Variants in SNTA1 observed in about 807,000 individuals in gnomAD.
SNTA1 encodes the protein syntrophin alpha 1.
A neutral mutation model predicts 47.1 loss-of-function variants in SNTA1; 31 were observed. The observed-to-expected ratio is 0.66, with a 90% CI of 0.49 to 0.89. SNTA1 has a LOEUF of 0.89. Ranked by LOEUF, SNTA1 falls within the 40% of genes least tolerant of loss-of-function variation. The probability of loss-of-function intolerance (pLI) is 0.00; values close to 1 mark genes in which losing one functional copy is unlikely to be tolerated. For synonymous variants in SNTA1, 300 were observed against 313.6 expected (o/e 0.96, Z 0.46); for missense variants, 575 against 693.0 (o/e 0.83, Z 1.91).
chr20:33,423,217 C>G (rs1990077939), intron 2 of SNTA1, among the ~76,000 whole-genome samples: 1 of 152,214 alleles, frequency 6.6e-6, no homozygotes, highest in Admixed American at 6.5e-5. Flanking sequence ...AGCATACCAG[C>G]TGATGCCAGA....
intron 2 of SNTA1, 66 bp downstream of exon 2, chr20:33,438,775 G>A: frequency 1.5e-6 from 2 of 1,348,798 alleles, no homozygotes; most frequent in Non-Finnish European, 2.1e-6. Context: ...TGAGGCCTGG[G>A]GGAGGTAGAG....
At chr20:33,419,049 G>A (rs532790826) in intron 2 of SNTA1, among the ~76,000 whole-genome samples, 2 of 152,042 alleles carry the variant, frequency 1.3e-5, no homozygotes, top group African/African-American at 2.4e-5. Context: ...GGGAAGCAAA[G>A]GTTGCAATGA....
intron 2 of SNTA1, among the ~76,000 whole-genome samples, chr20:33,432,615 C>A (rs1160924836): frequency 6.6e-6 from 1 of 152,182 alleles, no homozygotes; most frequent in Non-Finnish European, 1.5e-5. Flanking sequence ...GTGGCTCATG[C>A]CTGTAACCCC....
Position 33,417,802 on chromosome 20 carries a change from G to A in SNTA1, c.618C>T (p.Pro206=). 1 of 1,614,106 alleles carries A rather than the reference G, an allele frequency of 6.2e-7. No homozygotes were observed. Among genetic ancestry groups the A allele is most frequent in the East Asian group, 2.2e-5 (1 of 44,874 alleles). ...QRQPSSPGPT[P]RNFSEAKHMS... ...TGTGTTTGGCCTCGCTGAAGTTCCG[G>A]GGTGTGGGGCCAGGGGAGGAAGGCT... The change falls in exon 3 of 8, where the codon CCC becomes CCT. Residue 206 remains proline, a synonymous_variant. Coordinates refer to ENST00000217381, the MANE Select transcript of SNTA1 (RefSeq NM_003098.3).
At position 33,408,145 on chromosome 20, in the gene SNTA1, G is replaced by C. The variant is rs549192965; in HGVS notation, c.*362C>G. ...TACTCCAGCTTCAGATGGGACCTCTGGGGGTGGCTTAGGGGCCTCGAGGAG... is the reference window on the plus strand; with the variant it reads ...TACTCCAGCTTCAGATGGGACCTCTCGGGGTGGCTTAGGGGCCTCGAGGAG... On this transcript the variant is annotated 3_prime_UTR_variant, in exon 8 of 8. Coordinates refer to ENST00000217381, the MANE Select transcript of SNTA1 (RefSeq NM_003098.3). 183 of 336,640 alleles carry C rather than the reference G, an allele frequency of 5.4e-4. No homozygotes were observed. The highest frequency in any genetic ancestry group is 3.7e-3 in the African/African-American group (177 of 47,548). 20.9% of individuals were successfully genotyped at this position (336,640 alleles called of 1,614,324 possible). A position where few individuals can be genotyped will look rare whatever the true frequency, so the allele number is the denominator to read the frequency against.
rs773064278 is a variant in SNTA1, at chr20:33,408,634, G to A, written c.1426-35C>T. 1.4e-5 allele frequency: 23 copies of A among 1,610,176 alleles called. No individual in the cohort carries two copies. In the Admixed American group the frequency reaches 2.3e-4, roughly 16 times the overall value. On this transcript the variant is annotated intron_variant, in intron 7 of 7. Transcript: ENST00000217381. The stretch of plus-strand genomic sequence containing the variant: ...GGATGGAGAGAAGAGTCAGGGCCCT[G>A]GCCAGCCTGGCCTCCGAGAGTGCAC...
rs1347873184 is a variant in SNTA1, at chr20:33,412,281, C to T, written c.1040+15G>A. On this transcript the variant is annotated intron_variant, in intron 5 of 7. Transcript: ENST00000217381. ...CAAGTTCTGGGGGAGACATACTGCC[C>T]CTGCCTGTGGGTACCTGGTGGCGAT... 1 of 1,608,076 alleles carries T rather than the reference C, an allele frequency of 6.2e-7. No individual in the cohort carries two copies. The highest frequency in any genetic ancestry group is 8.5e-7 in the Non-Finnish European group (1 of 1,178,678).
intron 1 of SNTA1, among the ~76,000 whole-genome samples, chr20:33,442,698 C>T (rs562682916): frequency 3.6e-4 from 55 of 152,258 alleles, no homozygotes; most frequent in African/African-American, 1.3e-3. Flanking sequence ...GCGGTCAGTC[C>T]TGGGGGCTGA....
intron 1 of SNTA1, among the ~76,000 whole-genome samples, chr20:33,440,052 G>A (rs1219571465): frequency 1.3e-5 from 2 of 151,648 alleles, no homozygotes; most frequent in Non-Finnish European, 1.5e-5. Flanking sequence ...TTGGACCCAG[G>A]AGGCGGAGGT....
chr20:33,410,049 G>A, intron 6 of SNTA1, 86 bp downstream of exon 6: 1 of 1,403,588 alleles, frequency 7.1e-7, no homozygotes. Flanking sequence ...ATCCCCTCCT[G>A]AAGTGCCCTA....
At chr20:33,431,154 G>C (rs1173560146) in intron 2 of SNTA1, among the ~76,000 whole-genome samples, 1 of 152,078 alleles carries the variant, frequency 6.6e-6, no homozygotes, top group Non-Finnish European at 1.5e-5. Flanking sequence ...CCAGCTACTG[G>C]AGAGGCTGTG....
Position 33,443,527 on chromosome 20 carries a change from G to T in SNTA1, c.94C>A (p.Leu32Met), listed in dbSNP as rs974292570. The change falls in exon 1 of 8, where the codon CTG becomes ATG. Residue 32 changes from leucine to methionine, a missense_variant. Transcript: ENST00000217381. ...GAGGERWQRV[L>M]LSLAEDVLTV... ...AGCACGTCCTCCGCCAGACTCAGCA[G>T]CACCCGCTGCCATCGCTCGCCGCCG... is the stretch of plus-strand genomic sequence containing the variant. 11 of 1,351,746 alleles carry T rather than the reference G, an allele frequency of 8.1e-6. No homozygotes were observed. The African/African-American group carries it at 1.4e-4, about 17-fold the overall frequency. 83.7% of individuals were successfully genotyped at this position (1,351,746 alleles called of 1,614,324 possible).
chr20:33,424,839 G>A (rs535534725), intron 2 of SNTA1, among the ~76,000 whole-genome samples: 5 of 150,652 alleles, frequency 3.3e-5, no homozygotes, highest in East Asian at 2.0e-4. Context: ...AAACTAGGCC[G>A]GGCACAGTGG....
intron 2 of SNTA1, among the ~76,000 whole-genome samples, chr20:33,422,413 T>C (rs1176724146): frequency 2.7e-5 from 4 of 146,686 alleles, no homozygotes; most frequent in Non-Finnish European, 5.9e-5. Flanking sequence ...CACTCCAGCC[T>C]GGGCGACAGA....
intron 3 of SNTA1, among the ~76,000 whole-genome samples, chr20:33,413,550 G>C (rs932108602): frequency 1.3e-5 from 2 of 151,322 alleles, no homozygotes; most frequent in African/African-American, 4.9e-5. Flanking sequence ...GGTTTCTAAG[G>C]AACATCCTCT....
At position 33,412,399 on chromosome 20, in the gene SNTA1, G is replaced by T; in HGVS notation, c.937C>A (p.Leu313Met). The T allele has an allele frequency of 6.2e-7, 1 of 1,611,060 alleles. No homozygotes were observed. The change falls in exon 5 of 8, where the codon CTG becomes ATG. Residue 313 changes from leucine (L) to methionine (M), a missense_variant. Transcript: ENST00000217381. ...AGTTCCTTTTCAGTTAGCAGGGCCA[G>T]GGTGGGGGCTGTGCCCCCACTGGGC... ...QLPSGGTAPT[L>M]ALLTEKELLL...
intron 2 of SNTA1, among the ~76,000 whole-genome samples, chr20:33,436,920 C>A (rs1470489120): frequency 6.8e-6 from 1 of 147,404 alleles, no homozygotes; most frequent in Non-Finnish European, 1.5e-5. Context: ...GAGCCAAGAT[C>A]GCGCCACTGC....
chr20:33,414,509 A>T (rs1989828259), intron 3 of SNTA1, among the ~76,000 whole-genome samples: 1 of 150,990 alleles, frequency 6.6e-6, no homozygotes. Context: ...CACCAGAATC[A>T]CTTGAACCTG....
chr20:33,408,020 GAC>G lies in SNTA1; in HGVS notation c.*485_*486del, dbSNP rs972621627. 1 of 224,240 alleles carries G rather than the reference GAC, an allele frequency of 4.5e-6. No homozygotes were observed. The highest frequency in any genetic ancestry group is 2.3e-5 in the African/African-American group (1 of 44,290). The allele number at this position is 224,240 out of a possible 1,614,324, so 13.9% of individuals were successfully genotyped here. ...TTTATCCAAGAGTAAGGAGGAGAGA[GAC>G]AGGATGAAGAGAAAAACCAGACTCC... On this transcript the variant is annotated 3_prime_UTR_variant, in exon 8 of 8. Coordinates refer to ENST00000217381, the MANE Select transcript of SNTA1 (RefSeq NM_003098.3).
Sources: gnomAD v4.1 joint callset for allele counts (sites outside exome capture counted in the v4.1 genomes callset) on GRCh38, gnomAD v4.1.1 for gene constraint, MANE v1.5 for transcripts, NCBI Gene and HGNC (gene_info 2026-07-23, HGNC 2026-07-21) for gene names.